Variants in CMTM2 observed in about 807,000 individuals in gnomAD.
CMTM2 encodes the protein CKLF-like MARVEL transmembrane domain-containing protein 2.
In CMTM2, 15 loss-of-function variants were observed where a neutral mutation model predicts 16.8. The observed-to-expected ratio is 0.89, with a 90% CI of 0.60 to 1.37. CMTM2 has a LOEUF of 1.37. Ranked by LOEUF, CMTM2 falls within the 40% of genes most tolerant of loss-of-function variation. CMTM2 has a pLI of 0.00. For synonymous variants in CMTM2, 117 were observed against 118.7 expected, an observed-to-expected ratio of 0.99 and a Z score of 0.09; for missense variants, 282 against 318.0, an observed-to-expected ratio of 0.89 and a Z score of 0.86.
chr16:66,587,834 C>A (rs2014812424), intron 3 of CMTM2, 85 bp from the exon 4 acceptor site: 2 of 1,339,494 alleles, frequency 1.5e-6, no homozygotes, highest in Non-Finnish European at 2.1e-6. Context: ...TGAAACAGCA[C>A]CCCCTGATGA....
Position 66,579,566 on chromosome 16 carries a change from G to GA in CMTM2, c.-39dup, listed in dbSNP as rs781265562. On this transcript the variant is annotated 5_prime_UTR_variant, in exon 1 of 4. Coordinates refer to ENST00000268595, the MANE Select transcript of CMTM2 (RefSeq NM_144673.3). This position sits in a 1 kb window ranked among gnomAD's most constrained non-coding sequence, Gnocchi z 6.5. ...TACCCAGAAACAGCAGGAGAGAGAA[G>GA]AAACAGGCCAGCTGTGAGAAGCCAA... is the stretch of plus-strand genomic sequence containing the variant. 4.3e-6 allele frequency: 7 copies of GA among 1,609,760 alleles called. No homozygotes were observed. The South Asian group carries it at 7.7e-5, about 18-fold the overall frequency.
chr16:66,580,249 G>C, intron 2 of CMTM2, 65 bp downstream of exon 2: 1 of 1,547,420 alleles, frequency 6.5e-7, no homozygotes, highest in Non-Finnish European at 8.9e-7. Flanking sequence ...TTGGCACCTG[G>C]AAAGTCACCA....
chr16:66,580,219 G>A, intron 2 of CMTM2, 35 bp downstream of exon 2: 2 of 1,611,322 alleles, frequency 1.2e-6, no homozygotes, highest in South Asian at 2.2e-5. Flanking sequence ...CCTGCATCCA[G>A]AATGCTGATC....
intron 2 of CMTM2, among the ~76,000 whole-genome samples, chr16:66,584,796 C>T (rs748031168): frequency 1.6e-4 from 24 of 152,138 alleles, no homozygotes; most frequent in Non-Finnish European, 1.8e-4. Flanking sequence ...AAAACTTCAA[C>T]AGAAGACATC....
At chr16:66,583,460 C>T (rs1455384473) in intron 2 of CMTM2, among the ~76,000 whole-genome samples, 2 of 151,940 alleles carry the variant, frequency 1.3e-5, no homozygotes, top group African/African-American at 4.8e-5. Context: ...CCACTGCACT[C>T]CAGCCTGGGT....
chr16:66,586,307 G>A lies in CMTM2; in HGVS notation c.445-690G>A, dbSNP rs148351275. On this transcript the variant is annotated intron_variant, in intron 2 of 3. Coordinates refer to ENST00000268595, the MANE Select transcript of CMTM2 (RefSeq NM_144673.3). The stretch of plus-strand genomic sequence containing the variant: ...TGAAAGGCGGTGGTGGGGTCCTTAA[G>A]AGGGACATCATGACGTTTTATAGTT... Among the ~76,000 whole-genome samples the A allele has an allele frequency of 3.7e-3, 562 of 152,248 alleles. 1 individual carries two copies. The highest frequency in any genetic ancestry group is 0.012 in the African/African-American group (499 of 41,536).
At chr16:66,584,268 A>G (rs2014766705) in intron 2 of CMTM2, among the ~76,000 whole-genome samples, 1 of 152,228 alleles carries the variant, frequency 6.6e-6, no homozygotes, top group African/African-American at 2.4e-5. Flanking sequence ...TCCTGACCTC[A>G]GGTGATCTGC....
rs907130564 is a variant in CMTM2, at chr16:66,580,268, G to T, written c.444+84G>T. On this transcript the variant is annotated intron_variant, in intron 2 of 3. Transcript: ENST00000268595. The stretch of plus-strand genomic sequence containing the variant: ...CACCTGGAAAGTCACCAAACAGAGA[G>T]ACACACCTCACCTCCCATATCTGTG... 12 of 1,420,436 alleles carry T rather than the reference G, an allele frequency of 8.4e-6. No individual in the cohort carries two copies. In the African/African-American group the frequency reaches 1.7e-4, roughly 20 times the overall value. 88.0% of individuals were successfully genotyped at this position (1,420,436 alleles called of 1,614,324 possible). A position where few individuals can be genotyped will look rare whatever the true frequency, so the allele number is the denominator to read the frequency against.
rs532040669 is a variant in CMTM2 at position 66,584,855 on chromosome 16, G to A, written c.445-2142G>A. 1.9e-3 allele frequency among the ~76,000 whole-genome samples: 286 copies of A among 152,210 alleles called. 1 individual carries two copies. The highest frequency in any genetic ancestry group is 6.3e-3 in the African/African-American group (262 of 41,524). ...ACCTATAATCCCGACACTTTGGGAGGCCAAGGCAGGAGGATCACTTGAGTC... is the reference window on the plus strand; with the variant it reads ...ACCTATAATCCCGACACTTTGGGAGACCAAGGCAGGAGGATCACTTGAGTC... On this transcript the variant is annotated intron_variant, in intron 2 of 3. Transcript: ENST00000268595.
In CMTM2 at chr16:66,587,125, A is replaced by G. The variant is rs751405179; in HGVS notation, c.546+27A>G. The stretch of plus-strand genomic sequence containing the variant: ...TGAGTCTTTCCATGCTGGGCCTTGC[A>G]TTTGCTCTGAATTCACTTCTTTTGG... On this transcript the variant is annotated intron_variant, in intron 3 of 3. Transcript: ENST00000268595. The G allele has an allele frequency of 1.2e-5, 18 of 1,547,732 alleles. No homozygotes were observed. In the Admixed American group the frequency reaches 2.8e-4, roughly 24 times the overall value.
chr16:66,587,105 C>T lies in CMTM2; in HGVS notation c.546+7C>T. ...CCACTACTTACTTGCTGTGGTGAGT[C>T]TTTCCATGCTGGGCCTTGCATTTGC... On this transcript the variant is annotated splice_region_variant and intron_variant, in intron 3 of 3. Coordinates refer to ENST00000268595, the MANE Select transcript of CMTM2 (RefSeq NM_144673.3). 1 of 1,605,632 alleles carries T rather than the reference C, an allele frequency of 6.2e-7. No homozygotes were observed. The highest frequency in any genetic ancestry group is 8.5e-7 in the Non-Finnish European group (1 of 1,172,212).
At chr16:66,582,308 A>G (rs2014744732) in intron 2 of CMTM2, among the ~76,000 whole-genome samples, 1 of 152,180 alleles carries the variant, frequency 6.6e-6, no homozygotes, top group Non-Finnish European at 1.5e-5. Context: ...TGAAGGAGGG[A>G]ACTGTTAACT....
rs146463464 is a variant in CMTM2 at position 66,587,903 on chromosome 16, C to A, written c.547-16C>A. On this transcript the variant is annotated splice_polypyrimidine_tract_variant and intron_variant, in intron 3 of 3. Transcript: ENST00000268595. ...GAATGAAAAGCAAAAGTCATGAGGA[C>A]CGTTTTGTTTTCCAGATCCTTATTG... 113 of 1,613,316 alleles carry A rather than the reference C, an allele frequency of 7.0e-5. 1 individual carries two copies. In the Middle Eastern group the frequency reaches 1.2e-3, roughly 17 times the overall value.
rs1567382646 is a variant in CMTM2 at position 66,579,939 on chromosome 16, G to C, written c.285+47G>C. 1.2e-6 allele frequency: 2 copies of C among 1,609,110 alleles called. No homozygotes were observed. Among genetic ancestry groups the C allele is most frequent in the African/African-American group, 1.3e-5 (1 of 74,796 alleles). On this transcript the variant is annotated intron_variant, in intron 1 of 3. Coordinates refer to ENST00000268595, the MANE Select transcript of CMTM2 (RefSeq NM_144673.3). The surrounding 1 kb of genome is among the most constrained non-coding windows in gnomAD (Gnocchi z 6.5). The stretch of plus-strand genomic sequence containing the variant: ...GGGTGGGGGGCCTTGGCCGAGGGTG[G>C]GGGGAAGGAGGAGTAGGCTCCAGGG...
chr16:66,584,336 T>C (rs889428289), intron 2 of CMTM2, among the ~76,000 whole-genome samples: 2 of 150,968 alleles, frequency 1.3e-5, no homozygotes, highest in Non-Finnish European at 2.9e-5. Flanking sequence ...ACCCAGCCAG[T>C]ATCTTTATAA....
intron 2 of CMTM2, chr16:66,586,780 T>C (rs966287944): frequency 1.8e-6 from 1 of 543,576 alleles, no homozygotes; most frequent in Non-Finnish European, 3.3e-6. Context: ...ACGAGGGCAT[T>C]TTAGCATCCT....
At chr16:66,583,330 A>G (rs374121559) in intron 2 of CMTM2, among the ~76,000 whole-genome samples, 4 of 152,242 alleles carry the variant, frequency 2.6e-5, no homozygotes, top group African/African-American at 7.2e-5. Flanking sequence ...CAGCTCTACT[A>G]AAAATACAAA....
chr16:66,582,706 A>C (rs1347000462), intron 2 of CMTM2, among the ~76,000 whole-genome samples: 2 of 152,126 alleles, frequency 1.3e-5, no homozygotes, highest in Non-Finnish European at 2.9e-5. Context: ...TGTCTAAAAA[A>C]TAATAAAAGA....
intron 2 of CMTM2, 33 bp downstream of exon 2, chr16:66,580,217 C>A (rs1231306223): frequency 6.2e-7 from 1 of 1,611,220 alleles, no homozygotes; most frequent in Non-Finnish European, 8.5e-7. Context: ...TGCCTGCATC[C>A]AGAATGCTGA....
Sources: allele counts gnomAD v4.1 joint callset (sites outside exome capture counted in the v4.1 genomes callset), GRCh38; gene constraint gnomAD v4.1.1; non-coding constraint Gnocchi (gnomAD v3.1); transcripts MANE v1.5; gene names NCBI Gene and HGNC (gene_info 2026-07-23, HGNC 2026-07-21).